The following PILRA variants were observed in gnomAD, a reference collection of about 807,000 sequenced individuals.
The protein encoded by PILRA is paired immunoglobulin-like type 2 receptor alpha.
Under a neutral mutation model 33.1 loss-of-function variants are expected in PILRA, and 37 were observed. That is an observed-to-expected ratio of 1.12 (90% CI 0.86 to 1.47). PILRA has a LOEUF of 1.47. PILRA is among the 40% of genes most tolerant of loss of function. The pLI, the probability that PILRA is intolerant of heterozygous loss-of-function variation, is 0.00. For missense variants in PILRA, 312 were observed against 376.2 expected (o/e 0.83, Z 1.41); for synonymous variants, 146 against 149.9 (o/e 0.97, Z 0.19).
In PILRA at chr7:100,374,352, T is replaced by C; in HGVS notation, c.373T>C (p.Cys125Arg). 1.9e-6 allele frequency: 3 copies of C among 1,614,144 alleles called. No homozygotes were observed. Among genetic ancestry groups the C allele is most frequent in the Non-Finnish European group, 2.5e-6 (3 of 1,180,018 alleles). The change falls in exon 2 of 7, where the codon TGC becomes CGC. Residue 125 changes from cysteine to arginine, a missense_variant. Physicochemically the swap from Cys to Arg is radical, Grantham distance 180. Coordinates refer to ENST00000198536, the MANE Select transcript of PILRA (RefSeq NM_013439.3). ...GAAGCAGGACCAGTCTGTGTATTTC[T>C]GCCGAGTTGAGCTGGACACACGGAG... ...LQKQDQSVYF[C>R]RVELDTRSSG...
intron 1 of PILRA, 24 bp from the exon 2 acceptor site, chr7:100,374,020 C>G (rs752026774): frequency 1.2e-6 from 2 of 1,609,408 alleles, no homozygotes; most frequent in Non-Finnish European, 1.7e-6. Context: ...GGTCTCTCCC[C>G]TACTCACTCC....
intron 3 of PILRA, among the ~76,000 whole-genome samples, chr7:100,397,566 AG>A (rs915797760): frequency 1.1e-4 from 17 of 151,788 alleles, no homozygotes; most frequent in African/African-American, 4.1e-4. Flanking sequence ...GGAGGGGAGA[AG>A]TGACTGGGCG....
At chr7:100,393,813 G>A (rs1246450336) in intron 3 of PILRA, among the ~76,000 whole-genome samples, 3 of 151,824 alleles carry the variant, frequency 2.0e-5, no homozygotes, top group Non-Finnish European at 4.4e-5. Flanking sequence ...ATAGGAGGAA[G>A]GAAGAAAGGA....
Position 100,390,881 on chromosome 7 carries a change from T to G in PILRA, c.673+775T>G, listed in dbSNP as rs372650094. 5.3e-5 allele frequency among the ~76,000 whole-genome samples: 8 copies of G among 151,408 alleles called. No individual in the cohort carries two copies. The East Asian group carries it at 1.4e-3, about 26-fold the overall frequency. ...TGATCCCAGAGGCAGCATGAAGCAG[T>G]AAAGGGTGACCTCAGCTACCGTGAG... On this transcript the variant is annotated intron_variant, in intron 3 of 6. Transcript: ENST00000198536.
At chr7:100,379,201 C>T (rs1186636095) in intron 2 of PILRA, among the ~76,000 whole-genome samples, 3 of 151,202 alleles carry the variant, frequency 2.0e-5, no homozygotes, top group Non-Finnish European at 4.4e-5. Context: ...GCCAGGAGTT[C>T]GTGACCAGTT....
chr7:100,385,802 T>C (rs1245139019), intron 2 of PILRA, among the ~76,000 whole-genome samples: 1 of 151,810 alleles, frequency 6.6e-6, no homozygotes, highest in African/African-American at 2.4e-5. Flanking sequence ...GCTAATTTTG[T>C]ATTTTTAGTA....
At chr7:100,388,017 G>T (rs985159946) in intron 2 of PILRA, among the ~76,000 whole-genome samples, 1 of 152,064 alleles carries the variant, frequency 6.6e-6, no homozygotes, top group Non-Finnish European at 1.5e-5. Flanking sequence ...CCCATTTTAA[G>T]TAATAAATCC....
At chr7:100,387,055 T>C (rs1791269598) in intron 2 of PILRA, among the ~76,000 whole-genome samples, 1 of 152,176 alleles carries the variant, frequency 6.6e-6, no homozygotes, top group Non-Finnish European at 1.5e-5. Context: ...TCTCATTTCT[T>C]CTCTGTCTAA....
intron 2 of PILRA, among the ~76,000 whole-genome samples, chr7:100,384,041 G>A (rs1273754274): frequency 6.6e-6 from 1 of 152,136 alleles, no homozygotes; most frequent in Non-Finnish European, 1.5e-5. Flanking sequence ...ACGCAGCTTG[G>A]CTTAGCGAGA....
chr7:100,399,162 C>T, intron 4 of PILRA, 129 bp from the exon 5 acceptor site: 1 of 627,812 alleles, frequency 1.6e-6, no homozygotes, highest in South Asian at 1.8e-5. Context: ...TGGTCTTGTA[C>T]TCCTGGGATC....
In PILRA at chr7:100,374,408, G is replaced by A. The variant is rs746051766; in HGVS notation, c.429G>A (p.Glu143=). The change falls in exon 2 of 7, where the codon GAG becomes GAA. Residue 143 remains glutamate (E), a synonymous_variant. Coordinates refer to ENST00000198536, the MANE Select transcript of PILRA (RefSeq NM_013439.3). ...GGAGGCAGCAGTGGCAGTCCATCGAGGGGACCAAACTCTCCATCACCCAGG... is the reference window on the plus strand; with the variant it reads ...GGAGGCAGCAGTGGCAGTCCATCGAAGGGACCAAACTCTCCATCACCCAGG... ...SSGRQQWQSI[E]GTKLSITQAV... is the part of the protein sequence containing the mutation. 1.2e-6 allele frequency: 2 copies of A among 1,613,924 alleles called. No individual in the cohort carries two copies. Among genetic ancestry groups the A allele is most frequent in the Non-Finnish European group, 1.7e-6 (2 of 1,180,002 alleles).
upstream of PILRA, among the ~76,000 whole-genome samples, chr7:100,372,046 C>T (rs1243156368): frequency 6.6e-6 from 1 of 152,200 alleles, no homozygotes; most frequent in Non-Finnish European, 1.5e-5. Context: ...CAGCCAGGTC[C>T]TCAGGTGGGG....
chr7:100,392,451 G>C (rs1056788426), intron 3 of PILRA, among the ~76,000 whole-genome samples: 1 of 152,188 alleles, frequency 6.6e-6, no homozygotes, highest in Non-Finnish European at 1.5e-5. Flanking sequence ...GGCAAAGGGA[G>C]TGAAGATAGT....
At position 100,374,208 on chromosome 7, in the gene PILRA, C is replaced by A; in HGVS notation, c.229C>A (p.His77Asn). ...AATATCCTGGAGACGGGGCCACTTC[C>A]ACAGGCAGTCCTTCTACAGCACAAG... is the stretch of plus-strand genomic sequence containing the variant. ...VRISWRRGHF[H>N]RQSFYSTRPP... The change falls in exon 2 of 7, where the codon CAC (histidine) becomes AAC (asparagine). Residue 77 changes from histidine to asparagine, a missense_variant. Transcript: ENST00000198536. The A allele has an allele frequency of 6.2e-7, 1 of 1,614,120 alleles. No homozygotes were observed. Among genetic ancestry groups the A allele is most frequent in the Non-Finnish European group, 8.5e-7 (1 of 1,180,030 alleles).
intron 2 of PILRA, among the ~76,000 whole-genome samples, chr7:100,384,139 T>A (rs556610637): frequency 6.6e-6 from 1 of 151,500 alleles, no homozygotes; most frequent in South Asian, 2.1e-4. Flanking sequence ...GGATGTGGGG[T>A]ATGAGAGGGA....
At chr7:100,395,487 T>C (rs910564850) in intron 3 of PILRA, among the ~76,000 whole-genome samples, 1 of 152,190 alleles carries the variant, frequency 6.6e-6, no homozygotes, top group African/African-American at 2.4e-5. Flanking sequence ...TTTGCTTTGT[T>C]TTACTTTTCA....
At chr7:100,397,053 G>A (rs1791510828) in intron 3 of PILRA, among the ~76,000 whole-genome samples, 1 of 149,982 alleles carries the variant, frequency 6.7e-6, no homozygotes, top group Non-Finnish European at 1.5e-5. Flanking sequence ...AGGGACAGAA[G>A]AGTGCTGGAA....
At chr7:100,388,635 A>T (rs1791309200) in intron 2 of PILRA, among the ~76,000 whole-genome samples, 1 of 151,202 alleles carries the variant, frequency 6.6e-6, no homozygotes, top group Non-Finnish European at 1.5e-5. Context: ...GATCCTAGCT[A>T]CTCGGGAGGC....
At chr7:100,399,242 TA>T in intron 4 of PILRA, 48 bp from the exon 5 acceptor site, 4 of 1,467,374 alleles carry the variant, frequency 2.7e-6, no homozygotes, top group Non-Finnish European at 2.8e-6. Flanking sequence ...GCCCATGTCT[TA>T]AAATGCCCAA....
Sources: allele counts gnomAD v4.1 joint callset (sites outside exome capture counted in the v4.1 genomes callset), GRCh38; gene constraint gnomAD v4.1.1; transcripts MANE v1.5; gene names NCBI Gene and HGNC (gene_info 2026-07-23, HGNC 2026-07-21).